Variants in CRYBG2 observed in about 807,000 individuals in gnomAD.
CRYBG2 encodes crystallin beta-gamma domain containing 2.
In CRYBG2, 106 loss-of-function variants were observed where a neutral mutation model predicts 153.4. The observed-to-expected ratio is 0.69, with a 90% CI of 0.59 to 0.81. The LOEUF is 0.81. Ranked by LOEUF, CRYBG2 falls within the 30% of genes least tolerant of loss-of-function variation. CRYBG2 has a pLI of 0.00. For synonymous variants in CRYBG2, 851 were observed against 877.8 expected, an observed-to-expected ratio of 0.97 and a Z score of 0.54; for missense variants, 1,996 against 2,112.0, an observed-to-expected ratio of 0.95 and a Z score of 1.08.
intron 14 of CRYBG2, among the ~76,000 whole-genome samples, chr1:26,332,134 C>T (rs569533874): frequency 9.9e-5 from 15 of 151,872 alleles, no homozygotes; most frequent in African/African-American, 3.6e-4. Flanking sequence ...AGTGAAACCC[C>T]GTCTCTATTA....
chr1:26,343,076 G>A lies in CRYBG2; in HGVS notation c.3045C>T (p.Pro1015=), dbSNP rs192252700. 9.0e-6 allele frequency: 14 copies of A among 1,550,204 alleles called. No homozygotes were observed. Among genetic ancestry groups the A allele is most frequent in the African/African-American group, 2.7e-5 (2 of 73,114 alleles). Residue 1015 remains proline (P), a synonymous_variant, in exon 4 of 20, where the codon CCC becomes CCT. Coordinates refer to ENST00000308182, the MANE Select transcript of CRYBG2 (RefSeq NM_001039775.4). The surrounding 1 kb of genome is among the most constrained non-coding windows in gnomAD (Gnocchi z 4.1). ...GDIVDASGWA[P]VASIRVVRGC... is the part of the protein sequence containing the mutation. ...CTCGAACTACCCTTATGGAGGCTAC[G>A]GGGGCCCAGCCTGAGGCATCAACGA...
intron 1 of CRYBG2, among the ~76,000 whole-genome samples, chr1:26,348,851 C>T (rs1043244559): frequency 1.4e-4 from 21 of 151,126 alleles, no homozygotes; most frequent in South Asian, 4.2e-4. Flanking sequence ...CCACTGCGCC[C>T]GGCCTAAAAA....
rs1423805641 is a variant in CRYBG2, at chr1:26,321,959, G to C, written c.*9C>G. The C allele has an allele frequency of 6.4e-6, 10 of 1,555,016 alleles. 1 individual carries two copies. Among genetic ancestry groups the C allele is most frequent in the South Asian group, 5.8e-5 (5 of 86,392 alleles). ...AAGCCTCCAGGGCTGGAGGGTGAGGGGAAAAGTTTCAAAGCACGTGGATAG... is the reference window on the plus strand; with the variant it reads ...AAGCCTCCAGGGCTGGAGGGTGAGGCGAAAAGTTTCAAAGCACGTGGATAG... On this transcript the variant is annotated 3_prime_UTR_variant, in exon 20 of 20. Transcript: ENST00000308182.
In CRYBG2 at chr1:26,344,469, G is replaced by A; in HGVS notation, c.2189C>T (p.Ala730Val). Residue 730 changes from alanine to valine, a missense_variant, in exon 2 of 20, where the codon GCA becomes GTA. Transcript: ENST00000308182. Reference sequence around the variant, plus strand: ...AAGCTGGGACTCCGTGCTGGCCTCTGCTCCTGTTGGCACTGGGGCAGGGGT... The same window carrying A: ...AAGCTGGGACTCCGTGCTGGCCTCTACTCCTGTTGGCACTGGGGCAGGGGT... ...GGTPAPVPTG[A>V]EASTESQLVS... is the part of the protein sequence containing the mutation. The A allele has an allele frequency of 6.5e-7, 1 of 1,537,822 alleles. No individual in the cohort carries two copies. Among genetic ancestry groups the A allele is most frequent in the Non-Finnish European group, 8.8e-7 (1 of 1,140,054 alleles).
At position 26,343,963 on chromosome 1, in the gene CRYBG2, T is replaced by G; in HGVS notation, c.2695A>C (p.Arg899=). The stretch of plus-strand genomic sequence containing the variant: ...CTGCCTCCAAGACGGGAAGTGGGCC[T>G]GCTGCCTCCCTGCAGTTCCAATCCC... ...ELGLELQGGS[R]PTSRLGGSLL... The change falls in exon 2 of 20, where the codon AGG becomes CGG. Residue 899 remains arginine (R), a synonymous_variant. Transcript: ENST00000308182. This position sits in a 1 kb window ranked among gnomAD's most constrained non-coding sequence, Gnocchi z 4.1. 3.3e-6 allele frequency: 5 copies of G among 1,537,622 alleles called. No homozygotes were observed. The highest frequency in any genetic ancestry group is 4.4e-6 in the Non-Finnish European group (5 of 1,146,700).
In CRYBG2 at chr1:26,344,979, G is replaced by C; in HGVS notation, c.1679C>G (p.Pro560Arg). The change falls in exon 2 of 20, where the codon CCC (proline) becomes CGC (arginine). Residue 560 changes from proline to arginine, a missense_variant. Coordinates refer to ENST00000308182, the MANE Select transcript of CRYBG2 (RefSeq NM_001039775.4). ...CCCCTGCACCACCTCCTTCTGGGTGGGGGATGAGGCAGCAGGAGCACCAGG... is the reference window on the plus strand; with the variant it reads ...CCCCTGCACCACCTCCTTCTGGGTGCGGGATGAGGCAGCAGGAGCACCAGG... Reference protein sequence around the residue: ...KGPGAPAASSPTQKEVVQGSG... With the variant: ...KGPGAPAASSRTQKEVVQGSG... 2.7e-6 allele frequency: 4 copies of C among 1,502,796 alleles called. No individual in the cohort carries two copies. The highest frequency in any genetic ancestry group is 3.6e-6 in the Non-Finnish European group (4 of 1,125,532). The allele number at this position is 1,502,796 out of a possible 1,614,324, so 93.1% of individuals were successfully genotyped here.
chr1:26,322,153 T>C lies in CRYBG2; in HGVS notation c.4897+11A>G. 1 of 1,611,126 alleles carries C rather than the reference T, an allele frequency of 6.2e-7. No individual in the cohort carries two copies. Among genetic ancestry groups the C allele is most frequent in the South Asian group, 1.1e-5 (1 of 90,972 alleles). ...CCTCAGGAGCCCTCTTCCCCATACA[T>C]CCCACCTTACCCTTCACGTCCAGGA... On this transcript the variant is annotated intron_variant, in intron 19 of 19. Transcript: ENST00000308182.
In CRYBG2 at chr1:26,336,517, C is replaced by CAG. The variant is rs1389939512; in HGVS notation, c.4038+87_4038+88dup. 7.8e-6 allele frequency: 12 copies of CAG among 1,544,812 alleles called. No individual in the cohort carries two copies. Among genetic ancestry groups the CAG allele is most frequent in the Non-Finnish European group, 1.0e-5 (12 of 1,144,110 alleles). ...GCCCCAAGCGCCCAGGCAGGTCCTC[C>CAG]AGCCCGCTACCTCTGCGTGGGGGCG... On this transcript the variant is annotated intron_variant, in intron 12 of 19. Transcript: ENST00000308182. The surrounding 1 kb of genome is among the most constrained non-coding windows in gnomAD (Gnocchi z 4.9).
At position 26,344,047 on chromosome 1, in the gene CRYBG2, A is replaced by G. The variant is rs2074168303; in HGVS notation, c.2611T>C (p.Ser871Pro). The change falls in exon 2 of 20, where the codon TCT becomes CCT. Residue 871 changes from serine to proline, a missense_variant. Physicochemically the swap from Ser to Pro is moderately conservative, Grantham distance 74 (BLOSUM62 -1). Transcript: ENST00000308182. ...HPARPTQVSC[S>P]PLEMMKKHVA... ...TGCTTCTTCATCATCTCCAGAGGAG[A>G]GCAGGAGACCTGGGTGGGTCTGGCA... The G allele has an allele frequency of 6.5e-7, 1 of 1,535,892 alleles. No homozygotes were observed. Among genetic ancestry groups the G allele is most frequent in the African/African-American group, 1.4e-5 (1 of 72,990 alleles).
chr1:26,337,311 T>C lies in CRYBG2; in HGVS notation c.3713A>G (p.Asp1238Gly), dbSNP rs1318039082. The C allele has an allele frequency of 1.2e-6, 2 of 1,614,054 alleles. No individual in the cohort carries two copies. Among genetic ancestry groups the C allele is most frequent in the Non-Finnish European group, 8.5e-7 (1 of 1,179,982 alleles). ...GTCATAGCCTCCCCAGTGTGACCAG[T>C]CTGGGTATTCCCCCTCCTCCAGCAG... Reference protein sequence around the residue: ...QYLLEEGEYPDWSHWGGYDEL... With the variant: ...QYLLEEGEYPGWSHWGGYDEL... Residue 1238 changes from aspartate to glycine, a missense_variant, in exon 10 of 20, where the codon GAC (aspartate) becomes GGC (glycine). Asp to Gly is a moderately conservative substitution (Grantham distance 94). Transcript: ENST00000308182.
chr1:26,345,539 A>G lies in CRYBG2; in HGVS notation c.1119T>C (p.Pro373=). 2.5e-6 allele frequency: 4 copies of G among 1,603,192 alleles called. No individual in the cohort carries two copies. The highest frequency in any genetic ancestry group is 3.4e-6 in the Non-Finnish European group (4 of 1,174,296). ...GGGCCCCGGGGTGAGTGGGCACCAC[A>G]GGCTGCTTTGCAGGGTGAGTTAGGC... ...SPGLTHPAKQ[P]VVPTHPGARL... Residue 373 remains proline, a synonymous_variant, in exon 2 of 20, where the codon CCT becomes CCC. Coordinates refer to ENST00000308182, the MANE Select transcript of CRYBG2 (RefSeq NM_001039775.4).
Position 26,345,584 on chromosome 1 carries a change from C to G in CRYBG2, c.1074G>C (p.Glu358Asp). 1.2e-6 allele frequency: 2 copies of G among 1,603,496 alleles called. No individual in the cohort carries two copies. The highest frequency in any genetic ancestry group is 1.7e-6 in the Non-Finnish European group (2 of 1,179,546). Residue 358 changes from glutamate (E) to aspartate (D), a missense_variant, in exon 2 of 20, where the codon GAG becomes GAC. Glu to Asp is a conservative substitution (Grantham distance 45). Coordinates refer to ENST00000308182, the MANE Select transcript of CRYBG2 (RefSeq NM_001039775.4). ...QASVPSSPRL[E>D]THVPSPGLTH... is the part of the protein sequence containing the mutation. Reference sequence around the variant, plus strand: ...TTAGGCCAGGAGAGGGGACATGGGTCTCGAGTCTGGGAGAGGAGGGGACTG... The same window carrying G: ...TTAGGCCAGGAGAGGGGACATGGGTGTCGAGTCTGGGAGAGGAGGGGACTG...
intron 1 of CRYBG2, among the ~76,000 whole-genome samples, chr1:26,351,914 T>C (rs1173602160): frequency 1.3e-5 from 2 of 152,114 alleles, no homozygotes; most frequent in Non-Finnish European, 2.9e-5. Flanking sequence ...AGGATGCCTC[T>C]CCTGGGCCAG....
chr1:26,346,524 GC>G lies in CRYBG2; in HGVS notation c.133del (p.Ala45ProfsTer32). ...CTCCTTCTGCGGGGCTTCCATCTGGGCCCCTGACACCAGGGACACCTTGTGA... is the reference window on the plus strand; with the variant it reads ...CTCCTTCTGCGGGGCTTCCATCTGGGCCCTGACACCAGGGACACCTTGTGA... ...GFHKVSLVSG[A>X]QMEAPQKEMF... On this transcript the variant is annotated frameshift_variant, in exon 2 of 20. Coordinates refer to ENST00000308182, the MANE Select transcript of CRYBG2 (RefSeq NM_001039775.4). LOFTEE classifies it high-confidence loss of function. This position sits in a 1 kb window ranked among gnomAD's most constrained non-coding sequence, Gnocchi z 4.9. 1 of 1,613,200 alleles carries G rather than the reference GC, an allele frequency of 6.2e-7. No homozygotes were observed. Among genetic ancestry groups the G allele is most frequent in the Non-Finnish European group, 8.5e-7 (1 of 1,179,732 alleles).
rs149297216 is a variant in CRYBG2 at position 26,339,324 on chromosome 1, G to A, written c.3310C>T (p.Leu1104=). The change falls in exon 6 of 20, where the codon CTG becomes TTG. Residue 1104 remains leucine, a synonymous_variant. Transcript: ENST00000308182. ...LKNSQGLEKP[L]QVASATVSAG... is the part of the protein sequence containing the mutation. ...GAGACGGTGGCAGATGCCACCTGCA[G>A]GGGCTTCTCCAGACCCTGGGAATTC... is the stretch of plus-strand genomic sequence containing the variant. The A allele has an allele frequency of 6.2e-7, 1 of 1,614,182 alleles. No homozygotes were observed. Among genetic ancestry groups the A allele is most frequent in the Admixed American group, 1.7e-5 (1 of 60,020 alleles).
intron 14 of CRYBG2, among the ~76,000 whole-genome samples, chr1:26,332,272 A>G (rs1340398941): frequency 6.9e-6 from 1 of 143,898 alleles, no homozygotes; most frequent in Non-Finnish European, 1.5e-5. Context: ...ACGCCACTAC[A>G]CTCCAGCCTG....
chr1:26,348,177 G>T (rs955734182), intron 1 of CRYBG2, among the ~76,000 whole-genome samples: 2 of 152,170 alleles, frequency 1.3e-5, no homozygotes, highest in African/African-American at 4.8e-5. Context: ...ATGTTAGCTG[G>T]TGTGCACACG....
At position 26,322,324 on chromosome 1, in the gene CRYBG2, C is replaced by G. The variant is rs934514166; in HGVS notation, c.4738-1G>C. ...CCTGTAGGCTCATGGTGGGGGCCAT[C>G]TGAGGCCCCAGGAGGTCATCAGGCA... On this transcript the variant is annotated splice_acceptor_variant, in intron 18 of 19. Coordinates refer to ENST00000308182, the MANE Select transcript of CRYBG2 (RefSeq NM_001039775.4). LOFTEE classifies it high-confidence loss of function. 9 of 1,609,796 alleles carry G rather than the reference C, an allele frequency of 5.6e-6. No individual in the cohort carries two copies. Among genetic ancestry groups the G allele is most frequent in the Non-Finnish European group, 7.6e-6 (9 of 1,177,894 alleles).
chr1:26,345,164 C>T lies in CRYBG2; in HGVS notation c.1494G>A (p.Val498=), dbSNP rs763169715. 1 of 1,161,850 alleles carries T rather than the reference C, an allele frequency of 8.6e-7. No individual in the cohort carries two copies. Among genetic ancestry groups the T allele is most frequent in the South Asian group, 1.5e-5 (1 of 64,656 alleles). The allele number at this position is 1,161,850 out of a possible 1,614,324, so 72.0% of individuals were successfully genotyped here. Residue 498 remains valine (V), a synonymous_variant, in exon 2 of 20, where the codon GTG becomes GTA. Transcript: ENST00000308182. ...AGGCAGCAGGAGCACCAGGGCCCTT[C>T]ACGACCTCTTTCCAGGTGGGGGACG... is the stretch of plus-strand genomic sequence containing the variant. The part of the protein sequence containing the change: ...AASSPTWKEV[V]KGPGAPAASS...
Sources: allele counts gnomAD v4.1 joint callset (sites outside exome capture counted in the v4.1 genomes callset), GRCh38; gene constraint gnomAD v4.1.1; non-coding constraint Gnocchi (gnomAD v3.1); transcripts MANE v1.5; gene names NCBI Gene and HGNC (gene_info 2026-07-23, HGNC 2026-07-21).